TCF12: variants seen among roughly 807,000 people sequenced by gnomAD.
The protein encoded by TCF12 is DNA-binding protein HTF4.
TCF12 carries 45 observed loss-of-function variants against 86.0 expected under a neutral mutation model. The observed-to-expected ratio is 0.52, with a 90% CI of 0.41 to 0.67. TCF12 has a LOEUF of 0.67. Among genes scored for constraint, TCF12 ranks in the 30% least tolerant of loss-of-function variants. The pLI is 0.00. For synonymous variants in TCF12, 330 were observed against 299.6 expected, an observed-to-expected ratio of 1.10 and a Z score of -1.05; for missense variants, 881 against 859.9, an observed-to-expected ratio of 1.02 and a Z score of -0.31.
chr15:57,004,832 G>A (rs1349323569), intron 3 of TCF12, among the ~76,000 whole-genome samples: 1 of 152,160 alleles, frequency 6.6e-6, no homozygotes, highest in East Asian at 1.9e-4. Flanking sequence ...TGGGATTATA[G>A]GCATGAGCCA....
At chr15:57,195,150 G>A (rs1279260201) in intron 7 of TCF12, among the ~76,000 whole-genome samples, 4 of 152,150 alleles carry the variant, frequency 2.6e-5, no homozygotes, top group African/African-American at 9.7e-5. Context: ...TGGTCCTCCT[G>A]CCTTGGCCTC....
chr15:57,013,351 C>T (rs1478748881), intron 3 of TCF12, among the ~76,000 whole-genome samples: 1 of 152,174 alleles, frequency 6.6e-6, no homozygotes, highest in African/African-American at 2.4e-5. Flanking sequence ...TGCTCTGTCA[C>T]CCAGGCTGGA....
intron 4 of TCF12, among the ~76,000 whole-genome samples, chr15:57,074,080 C>G (rs1231292109): frequency 6.6e-6 from 1 of 151,934 alleles, no homozygotes; most frequent in East Asian, 1.9e-4. Flanking sequence ...GTACTGCCAT[C>G]TTACTTCTTA....
chr15:57,001,219 T>C (rs1399920611), intron 3 of TCF12: 1 of 159,710 alleles, frequency 6.3e-6, no homozygotes, highest in East Asian at 1.4e-4. Context: ...TTTGCCATGT[T>C]GGCCAGGCTG....
intron 6 of TCF12, among the ~76,000 whole-genome samples, chr15:57,173,683 C>T (rs1372060285): frequency 2.7e-5 from 4 of 150,894 alleles, no homozygotes; most frequent in Non-Finnish European, 4.4e-5. Context: ...CAAATTGAAA[C>T]AAAATCTGAA....
At position 57,113,697 on chromosome 15, in the gene TCF12, T is replaced by C. The variant is rs772748866; in HGVS notation, c.325+21806T>C. 4.7e-4 allele frequency among the ~76,000 whole-genome samples: 71 copies of C among 151,050 alleles called. 1 individual carries two copies. Among genetic ancestry groups the C allele is most frequent in the Non-Finnish European group, 8.7e-4 (59 of 67,870 alleles). ...CTTAACACCTGTAATTCCAGCACTT[T>C]GGGAGGACAAATCAGGAGTATTGTT... On this transcript the variant is annotated intron_variant, in intron 5 of 20. Transcript: ENST00000333725.
rs552054093 is a variant in TCF12, at chr15:56,993,195, G to A, written c.149-70555G>A. 2.0e-5 allele frequency among the ~76,000 whole-genome samples: 3 copies of A among 152,182 alleles called. No homozygotes were observed. In the East Asian group the frequency reaches 5.8e-4, roughly 29 times the overall value. On this transcript the variant is annotated intron_variant, in intron 3 of 20. Coordinates refer to ENST00000333725, the MANE Select transcript of TCF12 (RefSeq NM_207037.2). ...CTCTAAAAGACGCCTGCTACTTCTGGCTCAAGGAACAGGAAAGATAACTGC... is the reference window on the plus strand; with the variant it reads ...CTCTAAAAGACGCCTGCTACTTCTGACTCAAGGAACAGGAAAGATAACTGC...
intron 8 of TCF12, among the ~76,000 whole-genome samples, chr15:57,216,517 C>G (rs1597377734): frequency 6.8e-6 from 1 of 146,918 alleles, no homozygotes; most frequent in South Asian, 2.2e-4. Flanking sequence ...CCAGCTGACT[C>G]GTTTTGTCAG....
At chr15:57,168,341 G>T (rs1018475539) in intron 6 of TCF12, among the ~76,000 whole-genome samples, 3 of 152,176 alleles carry the variant, frequency 2.0e-5, no homozygotes, top group Non-Finnish European at 2.9e-5. Context: ...TCAGATCACA[G>T]TAAAAAATAG....
chr15:56,947,520 T>C (rs1402171223), intron 3 of TCF12, among the ~76,000 whole-genome samples: 1 of 152,212 alleles, frequency 6.6e-6, no homozygotes, highest in Non-Finnish European at 1.5e-5. Flanking sequence ...ACAAATTGTT[T>C]CCAGATAGGA....
intron 2 of TCF12, among the ~76,000 whole-genome samples, chr15:56,920,741 C>T (rs1433574443): frequency 1.3e-5 from 2 of 152,024 alleles, no homozygotes; most frequent in Non-Finnish European, 2.9e-5. Flanking sequence ...TCACTTAGTT[C>T]TGCAGTAAAG....
chr15:57,280,633 G>GC (rs760073839), intron 19 of TCF12, among the ~76,000 whole-genome samples: 4 of 152,154 alleles, frequency 2.6e-5, no homozygotes, highest in Non-Finnish European at 5.9e-5. Context: ...TTTTTGACAG[G>GC]CTGAGGTGGG....
At chr15:57,285,899 G>A (rs2061914635) in intron 20 of TCF12, among the ~76,000 whole-genome samples, 1 of 152,196 alleles carries the variant, frequency 6.6e-6, no homozygotes, top group Admixed American at 6.5e-5. Context: ...CTGCGCTCCA[G>A]CGAGGGTGAT....
intron 3 of TCF12, among the ~76,000 whole-genome samples, chr15:57,060,445 G>T (rs897446359): frequency 6.6e-6 from 1 of 152,132 alleles, no homozygotes; most frequent in African/African-American, 2.4e-5. Context: ...AATAATTTAC[G>T]TCTTTCTGTT....
chr15:56,952,106 A>G (rs1306153767), intron 3 of TCF12, among the ~76,000 whole-genome samples: 2 of 152,076 alleles, frequency 1.3e-5, no homozygotes, highest in African/African-American at 4.8e-5. Flanking sequence ...GATTCCATAA[A>G]TTACTCTTTC....
intron 5 of TCF12, among the ~76,000 whole-genome samples, chr15:57,093,494 T>A (rs1213621510): frequency 6.6e-6 from 1 of 152,248 alleles, no homozygotes; most frequent in Admixed American, 6.5e-5. Context: ...CTCATAGAGA[T>A]GACTTTTAGG....
At chr15:57,111,735 G>A (rs998953958) in intron 5 of TCF12, among the ~76,000 whole-genome samples, 2 of 151,976 alleles carry the variant, frequency 1.3e-5, no homozygotes, top group Admixed American at 6.5e-5. Context: ...TGGGACTACA[G>A]GCACGAGCCA....
chr15:57,042,199 A>G (rs1472371650), intron 3 of TCF12, among the ~76,000 whole-genome samples: 10 of 151,782 alleles, frequency 6.6e-5, no homozygotes, highest in Non-Finnish European at 2.9e-5. Context: ...GCTCACTGCA[A>G]CCTCTGCCTC....
At chr15:56,988,797 C>G (rs553234568) in intron 3 of TCF12, among the ~76,000 whole-genome samples, 1 of 152,046 alleles carries the variant, frequency 6.6e-6, no homozygotes, top group Admixed American at 6.5e-5. Context: ...AAACAAAGGG[C>G]CTTTTCTTAT....
Sources: allele counts gnomAD v4.1 joint callset (sites outside exome capture counted in the v4.1 genomes callset), GRCh38; gene constraint gnomAD v4.1.1; transcripts MANE v1.5; gene names NCBI Gene and HGNC (gene_info 2026-07-23, HGNC 2026-07-21).